Variants in RAB44 observed in about 807,000 individuals in gnomAD.
RAB44 encodes ras-related protein Rab-44.
A neutral mutation model predicts 93.3 loss-of-function variants in RAB44; 67 were observed. That is an observed-to-expected ratio of 0.72 (90% CI 0.59 to 0.88). RAB44 has a LOEUF of 0.88. Ranked by LOEUF, RAB44 falls within the 40% of genes least tolerant of loss-of-function variation. The pLI is 0.00. For missense variants in RAB44, 1,064 were observed against 1,261.7 expected (o/e 0.84, Z 2.37); for synonymous variants, 427 against 520.3 (o/e 0.82, Z 2.44).
Position 36,725,878 on chromosome 6 carries a change from C to A in RAB44, c.2616C>A (p.Val872=). The A allele has an allele frequency of 1.3e-6, 2 of 1,550,558 alleles. No individual in the cohort carries two copies. Among genetic ancestry groups the A allele is most frequent in the South Asian group, 1.2e-5 (1 of 84,046 alleles). The part of the protein sequence containing the change: ...LTATVGVDFR[V]KTLLVDNKCF... The stretch of plus-strand genomic sequence containing the variant: ...GTGTCCTAGGAGTAGATTTTCGGGT[C>A]AAAACCTTGCTGGTGGACAACAAGT... The change falls in exon 10 of 14, where the codon GTC becomes GTA. Residue 872 remains valine, a synonymous_variant. Transcript: ENST00000612677.
rs2150338004 is a variant in RAB44, at chr6:36,722,121, T to C, written c.1987T>C (p.Ser663Pro). 3 of 1,236,378 alleles carry C rather than the reference T, an allele frequency of 2.4e-6. No homozygotes were observed. The highest frequency in any genetic ancestry group is 3.0e-6 in the Non-Finnish European group (3 of 989,758). The allele number at this position is 1,236,378 out of a possible 1,614,324, so 76.6% of individuals were successfully genotyped here. A position where few individuals can be genotyped will look rare whatever the true frequency, so the allele number is the denominator to read the frequency against. Residue 663 changes from serine (S) to proline (P), a missense_variant, in exon 9 of 14, where the codon TCT (serine) becomes CCT (proline). Physicochemically the swap from Ser to Pro is moderately conservative, Grantham distance 74. Transcript: ENST00000612677. ...HGQVLGLGEL[S>P]AFPHQELEEE... is the part of the protein sequence containing the mutation. The stretch of plus-strand genomic sequence containing the variant: ...CCAGGTCCTTGGGCTGGGTGAGCTG[T>C]CTGCCTTCCCCCACCAGGAGCTGGA...
In RAB44 at chr6:36,722,529, A is replaced by G. The variant is rs1433442060; in HGVS notation, c.2395A>G (p.Ser799Gly). 4 of 1,534,228 alleles carry G rather than the reference A, an allele frequency of 2.6e-6. No individual in the cohort carries two copies. In the South Asian group the frequency reaches 4.9e-5, roughly 19 times the overall value. ...TCACTCCAGGGAACCAAGGGCAGAG[A>G]GCAGGCTTGAAGATCCAGGAATGGA... is the stretch of plus-strand genomic sequence containing the variant. ...PPHSREPRAE[S>G]RLEDPGMDSR... Residue 799 changes from serine (S) to glycine (G), a missense_variant, in exon 9 of 14, where the codon AGC becomes GGC. Ser to Gly is a moderately conservative substitution (Grantham distance 56). Coordinates refer to ENST00000612677, the MANE Select transcript of RAB44 (RefSeq NM_001257357.2).
intron 2 of RAB44, among the ~76,000 whole-genome samples, chr6:36,708,513 G>C (rs572515928): frequency 6.6e-6 from 1 of 152,202 alleles, no homozygotes; most frequent in East Asian, 1.9e-4. Flanking sequence ...GGTTAGAGAA[G>C]ATTTAGGCAC....
intron 2 of RAB44, among the ~76,000 whole-genome samples, chr6:36,713,246 A>C (rs1341983191): frequency 6.6e-6 from 1 of 152,136 alleles, no homozygotes; most frequent in Admixed American, 6.5e-5. Flanking sequence ...CCCAGGCTGG[A>C]GTGCAATGGC....
intron 2 of RAB44, among the ~76,000 whole-genome samples, chr6:36,710,829 G>A (rs1762767411): frequency 6.6e-6 from 1 of 152,112 alleles, no homozygotes; most frequent in South Asian, 2.1e-4. Flanking sequence ...TCACCATGTT[G>A]GCTAGGCTGG....
At position 36,718,047 on chromosome 6, in the gene RAB44, C is replaced by T. The variant is rs1302698888; in HGVS notation, c.661C>T (p.Arg221Cys). Residue 221 changes from arginine to cysteine, a missense_variant, in exon 6 of 14, where the codon CGC becomes TGC. Arg to Cys is a radical substitution (Grantham distance 180). Transcript: ENST00000612677. ...TCCCAGGCGTGACTCTGACCACCAC[C>T]GCGAGGTCCAGCAGCTCTATGAGGA... is the stretch of plus-strand genomic sequence containing the variant. ...TLRKRDSDHH[R>C]EVQQLYEEME... is the part of the protein sequence containing the mutation. The T allele has an allele frequency of 1.1e-5, 13 of 1,232,090 alleles. No individual in the cohort carries two copies. Among genetic ancestry groups the T allele is most frequent in the East Asian group, 6.3e-5 (2 of 31,720 alleles). 76.3% of individuals were successfully genotyped at this position (1,232,090 alleles called of 1,614,324 possible).
chr6:36,698,167 A>G (rs1224991201), intron 1 of RAB44, among the ~76,000 whole-genome samples: 1 of 152,174 alleles, frequency 6.6e-6, no homozygotes, highest in East Asian at 1.9e-4. Context: ...TCAGAGCCTC[A>G]GTTTCTCTGT....
chr6:36,719,236 C>CA (rs1245375353), intron 7 of RAB44, among the ~76,000 whole-genome samples: 16 of 152,284 alleles, frequency 1.1e-4, no homozygotes, highest in Admixed American at 1.0e-3. Flanking sequence ...AAGAAGCATC[C>CA]CTTCAGCCCG....
At chr6:36,726,017 C>T in intron 10 of RAB44, 74 bp downstream of exon 10, 1 of 1,200,398 alleles carries the variant, frequency 8.3e-7, no homozygotes, top group Non-Finnish European at 1.2e-6. Context: ...GGGAGCAGCC[C>T]TAATAACACA....
chr6:36,715,731 G>A, intron 4 of RAB44, 78 bp downstream of exon 4: 1 of 1,431,646 alleles, frequency 7.0e-7, no homozygotes, highest in South Asian at 1.3e-5. Flanking sequence ...ACACAGCAGG[G>A]GTCAAGGGGG....
rs377103585 is a variant in RAB44, at chr6:36,699,261, A to G, written c.-13+1346A>G. Among the ~76,000 whole-genome samples the G allele has an allele frequency of 5.3e-5, 8 of 152,212 alleles. No individual in the cohort carries two copies. The East Asian group carries it at 1.2e-3, about 22-fold the overall frequency. ...AAAAAATGCCAGGGGACTGCTGGAAATGGGCTGTGGAGGTGTAGCTTGGCT... is the reference window on the plus strand; with the variant it reads ...AAAAAATGCCAGGGGACTGCTGGAAGTGGGCTGTGGAGGTGTAGCTTGGCT... On this transcript the variant is annotated intron_variant, in intron 1 of 13. Coordinates refer to ENST00000612677, the MANE Select transcript of RAB44 (RefSeq NM_001257357.2).
chr6:36,698,606 G>A (rs1297913130), intron 1 of RAB44, among the ~76,000 whole-genome samples: 1 of 152,116 alleles, frequency 6.6e-6, no homozygotes, highest in Non-Finnish European at 1.5e-5. Context: ...CATGCTGAGG[G>A]GCTATATGTG....
Position 36,718,158 on chromosome 6 carries a change from G to T in RAB44, c.732+40G>T, listed in dbSNP as rs1374320186. On this transcript the variant is annotated intron_variant, in intron 6 of 13. Transcript: ENST00000612677. ...GCAGCCTGCCTCCTTCCCACTGCCC[G>T]GGACACCTCTGCTGGCTAAGGAATG... 3 of 1,199,506 alleles carry T rather than the reference G, an allele frequency of 2.5e-6. No individual in the cohort carries two copies. The East Asian group carries it at 9.5e-5, about 38-fold the overall frequency. The allele number at this position is 1,199,506 out of a possible 1,614,324, so 74.3% of individuals were successfully genotyped here. A position where few individuals can be genotyped will look rare whatever the true frequency, so the allele number is the denominator to read the frequency against.
At chr6:36,703,596 T>A (rs565357303) in intron 1 of RAB44, among the ~76,000 whole-genome samples, 11 of 151,992 alleles carry the variant, frequency 7.2e-5, no homozygotes, top group Non-Finnish European at 1.6e-4. Flanking sequence ...GTGGGGTGGA[T>A]GAAGCTGAGG....
At chr6:36,714,044 C>A (rs985115929) in intron 3 of RAB44, 105 bp downstream of exon 3, 36 of 719,122 alleles carry the variant, frequency 5.0e-5, no homozygotes, top group Middle Eastern at 2.3e-4. Context: ...TTCCCAGGGA[C>A]TTTCACCCCC....
intron 12 of RAB44, among the ~76,000 whole-genome samples, chr6:36,729,455 C>T (rs1763309332): frequency 6.6e-6 from 1 of 151,492 alleles, no homozygotes; most frequent in African/African-American, 2.4e-5. Flanking sequence ...GTGGCTCCTG[C>T]TGGAAGGGAA....
At chr6:36,710,660 C>T (rs553290570) in intron 2 of RAB44, among the ~76,000 whole-genome samples, 18 of 128,394 alleles carry the variant, frequency 1.4e-4, no homozygotes, top group Admixed American at 1.3e-3. Flanking sequence ...ACTCTGTCAT[C>T]CAGGCTGGAG....
Position 36,723,855 on chromosome 6 carries a change from G to A in RAB44, c.2599+1122G>A, listed in dbSNP as rs77434820. Among the ~76,000 whole-genome samples, 194 of 59,366 alleles carry A rather than the reference G, an allele frequency of 3.3e-3. 2 individuals are homozygous for A. Among genetic ancestry groups the A allele is most frequent in the Non-Finnish European group, 5.1e-3 (109 of 21,356 alleles). 38.9% of individuals were successfully genotyped at this position (59,366 alleles called of 152,430 possible). ...GTCTCCCAAAAAAAAAAAAAAAAAAGCAAACCCGAGGGAATGGAGGGGAGA... is the reference window on the plus strand; with the variant it reads ...GTCTCCCAAAAAAAAAAAAAAAAAAACAAACCCGAGGGAATGGAGGGGAGA... On this transcript the variant is annotated intron_variant, in intron 9 of 13. Transcript: ENST00000612677.
chr6:36,701,502 C>T lies in RAB44; in HGVS notation c.-12-2722C>T, dbSNP rs551557278. On this transcript the variant is annotated intron_variant, in intron 1 of 13. Transcript: ENST00000612677. Reference sequence around the variant, plus strand: ...GAGGAAGTGGGTTGAGAGCCCAGTACATATCCTAAGCAAGGTTGGGCACTA... The same window carrying T: ...GAGGAAGTGGGTTGAGAGCCCAGTATATATCCTAAGCAAGGTTGGGCACTA... Among the ~76,000 whole-genome samples, 9 of 152,236 alleles carry T rather than the reference C, an allele frequency of 5.9e-5. No homozygotes were observed. The East Asian group carries it at 1.7e-3, about 29-fold the overall frequency.
Sources: allele counts gnomAD v4.1 joint callset (sites outside exome capture counted in the v4.1 genomes callset), GRCh38; gene constraint gnomAD v4.1.1; transcripts MANE v1.5; gene names NCBI Gene and HGNC (gene_info 2026-07-23, HGNC 2026-07-21).